EDIL3: variants seen among roughly 807,000 people sequenced by gnomAD.
EDIL3 encodes the protein EGF like and discoidin domains 3.
A neutral mutation model predicts 67.4 loss-of-function variants in EDIL3; 37 were observed. That is an observed-to-expected ratio of 0.55 (90% CI 0.42 to 0.72). The LOEUF is 0.72. Among genes scored for constraint, EDIL3 ranks in the 30% least tolerant of loss-of-function variants. The probability of loss-of-function intolerance (pLI) is 0.00; values close to 1 mark genes in which losing one functional copy is unlikely to be tolerated. For synonymous variants in EDIL3, 195 were observed against 196.3 expected (o/e 0.99, Z 0.05); for missense variants, 527 against 586.3 (o/e 0.90, Z 1.04).
intron 1 of EDIL3, among the ~76,000 whole-genome samples, chr5:84,315,997 A>G (rs1188878821): frequency 6.6e-6 from 1 of 152,216 alleles, no homozygotes; most frequent in African/African-American, 2.4e-5. Flanking sequence ...AGAATTTCAT[A>G]TCCAGCCAAA....
intron 9 of EDIL3, among the ~76,000 whole-genome samples, chr5:84,001,120 C>T (rs1033913584): frequency 6.6e-6 from 1 of 152,088 alleles, no homozygotes; most frequent in Non-Finnish European, 1.5e-5. Context: ...CATCTCAGCT[C>T]ACTGCAACCT....
intron 3 of EDIL3, among the ~76,000 whole-genome samples, chr5:84,228,240 T>C (rs1744491815): frequency 1.3e-5 from 2 of 151,998 alleles, no homozygotes; most frequent in South Asian, 4.1e-4. Flanking sequence ...ACTAAGAGAC[T>C]AGGGGTAAAA....
chr5:84,151,848 T>C (rs939361230), intron 4 of EDIL3, among the ~76,000 whole-genome samples: 4 of 152,272 alleles, frequency 2.6e-5, no homozygotes, highest in South Asian at 2.1e-4. Flanking sequence ...ATTCAAGAGA[T>C]TGTAATTTTC....
intron 5 of EDIL3, among the ~76,000 whole-genome samples, chr5:84,121,712 G>C (rs1294875214): frequency 2.6e-5 from 4 of 151,934 alleles, no homozygotes; most frequent in African/African-American, 9.7e-5. Context: ...AGTGTAGGAA[G>C]TATTTTTGCA....
At chr5:84,076,853 T>G (rs532927792) in intron 6 of EDIL3, among the ~76,000 whole-genome samples, 1 of 152,232 alleles carries the variant, frequency 6.6e-6, no homozygotes, top group East Asian at 1.9e-4. Flanking sequence ...GAAGTAAACA[T>G]GATACAAAAA....
At chr5:84,245,727 C>T (rs1744895642) in intron 2 of EDIL3, among the ~76,000 whole-genome samples, 1 of 151,880 alleles carries the variant, frequency 6.6e-6, no homozygotes, top group South Asian at 2.1e-4. Context: ...TAAAATCTTT[C>T]CAGAGATTAA....
At chr5:84,237,788 T>C (rs887064021) in intron 2 of EDIL3, among the ~76,000 whole-genome samples, 119 of 152,178 alleles carry the variant, frequency 7.8e-4, no homozygotes, top group African/African-American at 2.6e-3. Context: ...AAAAGGACTA[T>C]GCTTCTTAAA....
At chr5:84,337,549 A>T (rs1027980394) in intron 1 of EDIL3, among the ~76,000 whole-genome samples, 2 of 152,132 alleles carry the variant, frequency 1.3e-5, no homozygotes, top group African/African-American at 2.4e-5. Flanking sequence ...AACTAGATTT[A>T]AAAAAATCAT....
At chr5:84,287,055 T>C (rs935082835) in intron 1 of EDIL3, among the ~76,000 whole-genome samples, 1 of 152,150 alleles carries the variant, frequency 6.6e-6, no homozygotes, top group African/African-American at 2.4e-5. Context: ...AAAATAACAC[T>C]GGCAATTAGA....
At chr5:84,314,970 T>C (rs906234050) in intron 1 of EDIL3, among the ~76,000 whole-genome samples, 1 of 152,156 alleles carries the variant, frequency 6.6e-6, no homozygotes, top group Non-Finnish European at 1.5e-5. Context: ...GGAAGCATAA[T>C]GTGTGCTACT....
intron 1 of EDIL3, among the ~76,000 whole-genome samples, chr5:84,351,557 AAGG>A (rs1159118991): frequency 6.6e-6 from 1 of 152,128 alleles, no homozygotes; most frequent in African/African-American, 2.4e-5. Context: ...CATCTATCAA[AAGG>A]AGATGATACT....
chr5:84,292,489 T>C (rs1043655015), intron 1 of EDIL3, among the ~76,000 whole-genome samples: 2 of 152,148 alleles, frequency 1.3e-5, no homozygotes, highest in Non-Finnish European at 2.9e-5. Flanking sequence ...GGACAGAGAA[T>C]TGCACAGATT....
chr5:84,057,667 T>C (rs1364545265), intron 9 of EDIL3, among the ~76,000 whole-genome samples: 1 of 152,168 alleles, frequency 6.6e-6, no homozygotes, highest in Non-Finnish European at 1.5e-5. Flanking sequence ...AAATTTTAAA[T>C]GTATCTTTTA....
intron 4 of EDIL3, among the ~76,000 whole-genome samples, chr5:84,151,901 G>GCTT (rs1748400955): frequency 6.7e-6 from 1 of 149,886 alleles, no homozygotes; most frequent in African/African-American, 2.5e-5. Context: ...AGTTCTCTTT[G>GCTT]CTGCTTCTTT....
At chr5:84,292,673 T>C (rs907999580) in intron 1 of EDIL3, among the ~76,000 whole-genome samples, 1 of 152,194 alleles carries the variant, frequency 6.6e-6, no homozygotes, top group African/African-American at 2.4e-5. Flanking sequence ...TCTCATGCTA[T>C]ATACTTTTCT....
At chr5:84,179,356 T>C (rs80024235) in intron 4 of EDIL3, among the ~76,000 whole-genome samples, 1 of 152,188 alleles carries the variant, frequency 6.6e-6, no homozygotes, top group Non-Finnish European at 1.5e-5. Flanking sequence ...TCTGAGCTTT[T>C]AGGGACAATT....
intron 6 of EDIL3, 55 bp from the exon 7 acceptor site, chr5:84,066,661 T>A (rs904064062): frequency 7.1e-6 from 11 of 1,560,216 alleles, no homozygotes; most frequent in African/African-American, 4.2e-5. Context: ...ATAACAATAC[T>A]GAAAATACGA....
intron 9 of EDIL3, among the ~76,000 whole-genome samples, chr5:83,964,298 G>A (rs1262404622): frequency 6.6e-6 from 1 of 151,754 alleles, no homozygotes. Context: ...ACTCTTGTAA[G>A]ATCTTTGCCT....
At chr5:84,208,507 G>A (rs1333845365) in intron 3 of EDIL3, among the ~76,000 whole-genome samples, 4 of 150,928 alleles carry the variant, frequency 2.7e-5, no homozygotes, top group African/African-American at 7.3e-5. Context: ...GTGAAACCCC[G>A]TCTCTACCAA....
Sources: gnomAD v4.1 joint callset for allele counts (sites outside exome capture counted in the v4.1 genomes callset) on GRCh38, gnomAD v4.1.1 for gene constraint, MANE v1.5 for transcripts, NCBI Gene and HGNC (gene_info 2026-07-23, HGNC 2026-07-21) for gene names.